Variants in ZFPM2 observed in about 807,000 individuals in gnomAD.
ZFPM2 encodes zinc finger protein, FOG family member 2, also known as zinc finger protein ZFPM2.
ZFPM2 carries 20 observed loss-of-function variants against 98.6 expected under a neutral mutation model. The ratio of observed to expected loss-of-function variants is 0.20; its 90% CI spans 0.14 to 0.29. ZFPM2 has a LOEUF of 0.29. ZFPM2 is among the 10% of genes least tolerant of loss of function. The pLI, the probability that ZFPM2 is intolerant of heterozygous loss-of-function variation, is 1.00. For missense variants in ZFPM2, 1,310 were observed against 1,388.6 expected, an observed-to-expected ratio of 0.94 and a Z score of 0.90; for synonymous variants, 518 against 502.7, an observed-to-expected ratio of 1.03 and a Z score of -0.41.
At chr8:105,590,015 C>T (rs1233125926) in intron 4 of ZFPM2, among the ~76,000 whole-genome samples, 3 of 152,110 alleles carry the variant, frequency 2.0e-5, no homozygotes, top group South Asian at 2.1e-4. Context: ...CCACTGCTCC[C>T]GGCTTCTTTA....
chr8:105,429,171 C>G (rs1370406654), intron 2 of ZFPM2, among the ~76,000 whole-genome samples: 3 of 152,036 alleles, frequency 2.0e-5, no homozygotes, highest in Non-Finnish European at 4.4e-5. Flanking sequence ...TCTATTGTTG[C>G]TATATGATTA....
intron 4 of ZFPM2, among the ~76,000 whole-genome samples, chr8:105,588,406 A>AT (rs899405196): frequency 5.6e-4 from 85 of 151,904 alleles, no homozygotes; most frequent in Admixed American, 1.6e-3. Context: ...TTCTTTTAAT[A>AT]TTTTTTTTCC....
intron 3 of ZFPM2, among the ~76,000 whole-genome samples, chr8:105,525,769 A>G (rs1814162209): frequency 6.6e-6 from 1 of 152,160 alleles, no homozygotes; most frequent in Non-Finnish European, 1.5e-5. Context: ...TAAAGGACAA[A>G]CCAGTGTGGT....
At chr8:105,462,396 C>T (rs1190673853) in intron 3 of ZFPM2, among the ~76,000 whole-genome samples, 5 of 152,068 alleles carry the variant, frequency 3.3e-5, no homozygotes, top group African/African-American at 1.2e-4. Flanking sequence ...CTTACTGCTT[C>T]CCTCTGCAAA....
intron 5 of ZFPM2, among the ~76,000 whole-genome samples, chr8:105,736,800 T>G (rs1221951530): frequency 6.6e-6 from 1 of 152,088 alleles, no homozygotes; most frequent in African/African-American, 2.4e-5. Flanking sequence ...ACACCAGGAC[T>G]ATTTCCTCTA....
At chr8:105,570,455 A>C (rs1815330859) in intron 4 of ZFPM2, among the ~76,000 whole-genome samples, 1 of 152,166 alleles carries the variant, frequency 6.6e-6, no homozygotes, top group Non-Finnish European at 1.5e-5. Context: ...TTATTTCACA[A>C]TTGAAATATG....
At position 105,402,635 on chromosome 8, in the gene ZFPM2, T is replaced by A. The variant is rs573199965; in HGVS notation, c.41-16509T>A. On this transcript the variant is annotated intron_variant, in intron 1 of 7. Coordinates refer to ENST00000407775, the MANE Select transcript of ZFPM2 (RefSeq NM_012082.4). ...ATTTAGTTCCTCTTTTAATATGTGT[T>A]GTCTAATATTTTATTTTGTTAAATT... is the stretch of plus-strand genomic sequence containing the variant. Among the ~76,000 whole-genome samples the A allele has an allele frequency of 3.4e-4, 52 of 152,192 alleles. No individual in the cohort carries two copies. The South Asian group carries it at 8.7e-3, about 25-fold the overall frequency.
At chr8:105,774,419 A>G (rs1001665604) in intron 5 of ZFPM2, among the ~76,000 whole-genome samples, 4 of 152,332 alleles carry the variant, frequency 2.6e-5, no homozygotes, top group African/African-American at 9.6e-5. Context: ...GTCATTGTTC[A>G]TCATAATAAC....
At chr8:105,362,927 A>G (rs757297253) in intron 1 of ZFPM2, among the ~76,000 whole-genome samples, 15 of 152,182 alleles carry the variant, frequency 9.9e-5, no homozygotes, top group Non-Finnish European at 1.8e-4. Flanking sequence ...TTATTTAACA[A>G]TATTTCCTAA....
chr8:105,691,232 T>G (rs1468003167), intron 5 of ZFPM2, among the ~76,000 whole-genome samples: 1 of 75,466 alleles, frequency 1.3e-5, no homozygotes, highest in Non-Finnish European at 2.6e-5. Flanking sequence ...CCAAAGAGAC[T>G]TTTTTTTTTT....
chr8:105,610,626 C>A (rs1271936909), intron 4 of ZFPM2, among the ~76,000 whole-genome samples: 2 of 151,772 alleles, frequency 1.3e-5, no homozygotes, highest in African/African-American at 2.4e-5. Context: ...ATATTGGGGG[C>A]TCTGTGGCCT....
At chr8:105,352,864 C>A (rs1812674618) in intron 1 of ZFPM2, among the ~76,000 whole-genome samples, 1 of 152,052 alleles carries the variant, frequency 6.6e-6, no homozygotes, top group African/African-American at 2.4e-5. Flanking sequence ...TGCTTGATTA[C>A]CAGCTAACCT....
intron 4 of ZFPM2, among the ~76,000 whole-genome samples, chr8:105,623,757 A>T (rs1464405936): frequency 6.6e-6 from 1 of 151,278 alleles, no homozygotes; most frequent in African/African-American, 2.4e-5. Flanking sequence ...ATTTTTTTTT[A>T]TAGTGGTTTA....
At chr8:105,703,574 G>C (rs539433824) in intron 5 of ZFPM2, among the ~76,000 whole-genome samples, 3 of 152,254 alleles carry the variant, frequency 2.0e-5, no homozygotes, top group African/African-American at 7.2e-5. Flanking sequence ...GTGTTATGCA[G>C]CATGAGAACA....
intron 5 of ZFPM2, chr8:105,685,914 T>C (rs1441250188): frequency 6.6e-6 from 1 of 152,084 alleles, no homozygotes; most frequent in Non-Finnish European, 1.5e-5. Flanking sequence ...TGCAGATAAT[T>C]CTAGTATTTT....
At chr8:105,762,267 G>C (rs1301647429) in intron 5 of ZFPM2, among the ~76,000 whole-genome samples, 1 of 151,930 alleles carries the variant, frequency 6.6e-6, no homozygotes, top group Non-Finnish European at 1.5e-5. Context: ...CAAGGTTTTA[G>C]ACTACAGTAT....
rs121908603 is a variant in ZFPM2, at chr8:105,802,189, A to G, written c.2107A>G (p.Met703Val). ...TACCTTCAGCCGGCACGAAACATAC[A>G]TGGTCCACAAACAGTATTACTGTGC... ...NITFSRHETY[M>V]VHKQYYCATR... The change falls in exon 8 of 8, where the codon ATG becomes GTG. Residue 703 changes from methionine (M) to valine (V), a missense_variant. Met to Val is a conservative substitution (Grantham distance 21). Transcript: ENST00000407775. 2 of 1,613,866 alleles carry G rather than the reference A, an allele frequency of 1.2e-6. No homozygotes were observed. The highest frequency in any genetic ancestry group is 4.5e-5 in the East Asian group (2 of 44,846).
intron 3 of ZFPM2, among the ~76,000 whole-genome samples, chr8:105,522,464 A>T (rs1456469563): frequency 6.6e-6 from 1 of 152,132 alleles, no homozygotes; most frequent in Non-Finnish European, 1.5e-5. Flanking sequence ...TTCTTCTGTT[A>T]AGATGAGCAT....
intron 5 of ZFPM2, among the ~76,000 whole-genome samples, chr8:105,736,186 A>G (rs1251785490): frequency 4.6e-5 from 7 of 151,968 alleles, no homozygotes; most frequent in African/African-American, 1.4e-4. Flanking sequence ...AAATCAAACC[A>G]CATTGCAGAT....
Sources: allele counts gnomAD v4.1 joint callset (sites outside exome capture counted in the v4.1 genomes callset), GRCh38; gene constraint gnomAD v4.1.1; transcripts MANE v1.5; gene names NCBI Gene and HGNC (gene_info 2026-07-23, HGNC 2026-07-21).